The following IPPK variants were observed in gnomAD, a reference collection of about 807,000 sequenced individuals.
IPPK encodes the protein IPK1 homolog.
IPPK carries 22 observed loss-of-function variants against 64.6 expected under a neutral mutation model. That is an observed-to-expected ratio of 0.34 (90% CI 0.24 to 0.49). The LOEUF (loss-of-function observed/expected upper bound fraction) is 0.49. Among genes scored for constraint, IPPK ranks in the 20% least tolerant of loss-of-function variants. The pLI, the probability that IPPK is intolerant of heterozygous loss-of-function variation, is 0.99. For missense variants in IPPK, 532 were observed against 630.7 expected (o/e 0.84, Z 1.68); for synonymous variants, 262 against 247.2 (o/e 1.06, Z -0.56).
At chr9:92,651,252 C>T (rs918216707) in intron 4 of IPPK, among the ~76,000 whole-genome samples, 1 of 152,216 alleles carries the variant, frequency 6.6e-6, no homozygotes. Flanking sequence ...ATTCCACACC[C>T]TCATTGCCTG....
intron 2 of IPPK, 71 bp from the exon 3 acceptor site, chr9:92,656,622 C>T: frequency 1.0e-6 from 1 of 971,264 alleles, no homozygotes; most frequent in South Asian, 1.3e-5. Flanking sequence ...AGGGGAGAGG[C>T]AAAAACCACC....
intron 12 of IPPK, chr9:92,618,230 C>CAGGATGGTTCCA (rs1851505734): frequency 2.2e-6 from 1 of 456,544 alleles, no homozygotes; most frequent in African/African-American, 2.0e-5. Flanking sequence ...GTGCTTTGTG[C>CAGGATGGTTCCA]AGGATGGTTC....
chr9:92,649,645 G>A, intron 4 of IPPK, 71 bp from the exon 5 acceptor site: 1 of 1,575,772 alleles, frequency 6.3e-7, no homozygotes, highest in South Asian at 1.1e-5. Flanking sequence ...GCCCAAAACA[G>A]GCCCCGCCTT....
At chr9:92,647,597 C>T (rs554675767) in intron 6 of IPPK, among the ~76,000 whole-genome samples, 1 of 151,876 alleles carries the variant, frequency 6.6e-6, no homozygotes, top group South Asian at 2.1e-4. Context: ...GTCCAACATG[C>T]GAAAATCATG....
Position 92,613,343 on chromosome 9 carries a change from T to C in IPPK, c.*2489A>G. ...AACTAGTTAAGTATAAAATGCCAAATAAAAGTGACACGTACAATGTGGTTT... is the reference window on the plus strand; with the variant it reads ...AACTAGTTAAGTATAAAATGCCAAACAAAAGTGACACGTACAATGTGGTTT... On this transcript the variant is annotated 3_prime_UTR_variant, in exon 13 of 13. Coordinates refer to ENST00000287996, the MANE Select transcript of IPPK (RefSeq NM_022755.6). 1 of 588,122 alleles carries C rather than the reference T, an allele frequency of 1.7e-6. No individual in the cohort carries two copies. The highest frequency in any genetic ancestry group is 2.9e-6 in the Non-Finnish European group (1 of 339,532). The allele number at this position is 588,122 out of a possible 1,614,324, so 36.4% of individuals were successfully genotyped here.
At chr9:92,630,445 A>G (rs981115620) in intron 11 of IPPK, among the ~76,000 whole-genome samples, 1 of 152,200 alleles carries the variant, frequency 6.6e-6, no homozygotes, top group Non-Finnish European at 1.5e-5. Context: ...GAAAATCTAA[A>G]ATCAACTGTG....
intron 11 of IPPK, among the ~76,000 whole-genome samples, chr9:92,634,091 T>TG (rs1252413370): frequency 4.6e-5 from 7 of 152,226 alleles, no homozygotes; most frequent in Non-Finnish European, 8.8e-5. Flanking sequence ...GAGCCTGTTG[T>TG]GGGCTGCTGA....
intron 11 of IPPK, chr9:92,620,044 G>A (rs914173374): frequency 7.5e-5 from 13 of 173,218 alleles, no homozygotes; most frequent in African/African-American, 2.3e-4. Flanking sequence ...CAGAGACAAC[G>A]GCAGACGGCC....
Position 92,638,066 on chromosome 9 carries a change from C to T in IPPK, c.851G>A (p.Gly284Glu), listed in dbSNP as rs776589551. 1 of 1,610,538 alleles carries T rather than the reference C, an allele frequency of 6.2e-7. No homozygotes were observed. Among genetic ancestry groups the T allele is most frequent in the African/African-American group, 1.3e-5 (1 of 74,862 alleles). ...GACTCGCGGGCCCTGAGGCCCGAGCCCCGGACTCAGGGTGCCTGCCCGGCC... is the reference window on the plus strand; with the variant it reads ...GACTCGCGGGCCCTGAGGCCCGAGCTCCGGACTCAGGGTGCCTGCCCGGCC... Reference protein sequence around the residue: ...DKGRAGTLSPGLGPQGPRVCE... With the variant: ...DKGRAGTLSPELGPQGPRVCE... The change falls in exon 9 of 13, where the codon GGG becomes GAG. Residue 284 changes from glycine (G) to glutamate (E), a missense_variant. By Grantham distance (98) the Gly-to-Glu change is moderately conservative (BLOSUM62 -2). Transcript: ENST00000287996.
chr9:92,663,314 C>T (rs546920447), intron 1 of IPPK, among the ~76,000 whole-genome samples: 15 of 152,280 alleles, frequency 9.9e-5, no homozygotes, highest in South Asian at 2.1e-4. Flanking sequence ...CCATGCTGCG[C>T]GGGTCTGAGG....
At chr9:92,653,419 G>A (rs550965863) in intron 3 of IPPK, among the ~76,000 whole-genome samples, 7 of 152,094 alleles carry the variant, frequency 4.6e-5, no homozygotes, top group South Asian at 2.1e-4. Context: ...ATTCCCAGTC[G>A]GCTGTGCCAG....
intron 8 of IPPK, 87 bp downstream of exon 8, chr9:92,640,623 G>A: frequency 1.1e-6 from 1 of 893,288 alleles, no homozygotes; most frequent in South Asian, 1.3e-5. Context: ...ATGACGTGCA[G>A]CCCAGCCCAA....
chr9:92,652,022 G>A (rs1280078712), intron 4 of IPPK, among the ~76,000 whole-genome samples: 2 of 152,120 alleles, frequency 1.3e-5, no homozygotes, highest in African/African-American at 4.8e-5. Context: ...GATTACAGGC[G>A]AGAGCCACCG....
intron 7 of IPPK, among the ~76,000 whole-genome samples, chr9:92,641,615 G>A (rs1184582972): frequency 6.6e-6 from 1 of 152,246 alleles, no homozygotes; most frequent in Admixed American, 6.5e-5. Flanking sequence ...AGTGAGCGGT[G>A]TTGGTGCCAC....
chr9:92,631,743 A>T (rs1348300203), intron 11 of IPPK, among the ~76,000 whole-genome samples: 1 of 152,218 alleles, frequency 6.6e-6, no homozygotes, highest in Admixed American at 6.5e-5. Flanking sequence ...CCACAATCTT[A>T]TTCAGATATC....
intron 1 of IPPK, among the ~76,000 whole-genome samples, chr9:92,662,054 G>A (rs1385137785): frequency 6.6e-6 from 1 of 152,182 alleles, no homozygotes; most frequent in Non-Finnish European, 1.5e-5. Flanking sequence ...AGCCACCTGG[G>A]GGACTTCACA....
Position 92,642,624 on chromosome 9 carries a change from C to G in IPPK, c.563+128G>C, listed in dbSNP as rs1025137863. ...TACAGCGCTGATGGCAAAAGAGAGCCCTGAAGACAGAACAGGGCCTTCCCT... is the reference window on the plus strand; with the variant it reads ...TACAGCGCTGATGGCAAAAGAGAGCGCTGAAGACAGAACAGGGCCTTCCCT... On this transcript the variant is annotated intron_variant, in intron 7 of 12. Transcript: ENST00000287996. 5.3e-6 allele frequency: 4 copies of G among 749,508 alleles called. No individual in the cohort carries two copies. In the South Asian group the frequency reaches 6.5e-5, roughly 12 times the overall value. The allele number at this position is 749,508 out of a possible 1,614,324, so 46.4% of individuals were successfully genotyped here.
In IPPK at chr9:92,649,480, G is replaced by T; in HGVS notation, c.387C>A (p.His129Gln). ...TAATCTCTACACACAGAATCGGCCG[G>T]TGCTCTGCAAAGCGGTAGGTTTGGA... ...TRLQTYRFAE[H>Q]RPILCVEIKP... The change falls in exon 5 of 13, where the codon CAC (histidine) becomes CAA (glutamine). Residue 129 changes from histidine to glutamine, a missense_variant. Coordinates refer to ENST00000287996, the MANE Select transcript of IPPK (RefSeq NM_022755.6). The T allele has an allele frequency of 6.2e-7, 1 of 1,614,130 alleles. No homozygotes were observed. Among genetic ancestry groups the T allele is most frequent in the Non-Finnish European group, 8.5e-7 (1 of 1,180,028 alleles).
chr9:92,619,618 C>T lies in IPPK; in HGVS notation c.1171-53G>A, dbSNP rs1851559012. On this transcript the variant is annotated intron_variant, in intron 11 of 12. Coordinates refer to ENST00000287996, the MANE Select transcript of IPPK (RefSeq NM_022755.6). The stretch of plus-strand genomic sequence containing the variant: ...GGTCACACAGGAAGCCTCTGCCCCC[C>T]CACACAACCTTCCTTCCCAGTAGCC... The T allele has an allele frequency of 2.8e-5, 41 of 1,455,552 alleles. 1 individual carries two copies. The South Asian group carries it at 4.4e-4, about 16-fold the overall frequency. The allele number at this position is 1,455,552 out of a possible 1,614,324, so 90.2% of individuals were successfully genotyped here.
Sources: allele counts gnomAD v4.1 joint callset (sites outside exome capture counted in the v4.1 genomes callset), GRCh38; gene constraint gnomAD v4.1.1; transcripts MANE v1.5; gene names NCBI Gene and HGNC (gene_info 2026-07-23, HGNC 2026-07-21).